Variants in FBXO32 observed in about 807,000 individuals in gnomAD.
The protein encoded by FBXO32 is F-box only protein 32.
FBXO32 carries 15 observed loss-of-function variants against 48.3 expected under a neutral mutation model. That is an observed-to-expected ratio of 0.31 (90% CI 0.21 to 0.48). The LOEUF is 0.48. FBXO32 is among the 20% of genes least tolerant of loss of function. The pLI, the probability that FBXO32 is intolerant of heterozygous loss-of-function variation, is 0.99. For missense variants in FBXO32, 309 were observed against 432.7 expected (o/e 0.71, Z 2.54); for synonymous variants, 154 against 165.9 (o/e 0.93, Z 0.55).
At position 123,525,408 on chromosome 8, in the gene FBXO32, G is replaced by A. The variant is rs1371539286; in HGVS notation, c.372+6490C>T. On this transcript the variant is annotated intron_variant, in intron 4 of 8. Coordinates refer to ENST00000517956, the MANE Select transcript of FBXO32 (RefSeq NM_058229.4). The surrounding 1 kb of genome is among the most constrained non-coding windows in gnomAD (Gnocchi z 4.3). ...TACTCAAGTTCTCCGTGACCTTTCT[G>A]GGCTGTTAATGGTAGCTACAGTTAC... Among the ~76,000 whole-genome samples, 2 of 152,168 alleles carry A rather than the reference G, an allele frequency of 1.3e-5. No homozygotes were observed.
At chr8:123,505,653 T>C (rs770330933) in intron 7 of FBXO32, among the ~76,000 whole-genome samples, 1 of 152,086 alleles carries the variant, frequency 6.6e-6, no homozygotes, top group Non-Finnish European at 1.5e-5. Flanking sequence ...GGAGAATCAT[T>C]TGAACCAGGG....
At chr8:123,529,406 C>T (rs758808019) in intron 4 of FBXO32, among the ~76,000 whole-genome samples, 13 of 152,166 alleles carry the variant, frequency 8.5e-5, no homozygotes, top group Non-Finnish European at 1.2e-4. Flanking sequence ...TAAACATTAG[C>T]GGCTGACTTT....
At chr8:123,533,380 G>A in intron 2 of FBXO32, 140 bp from the exon 3 acceptor site, 1 of 681,794 alleles carries the variant, frequency 1.5e-6, no homozygotes, top group East Asian at 2.7e-5. Context: ...GAAGTTTCAA[G>A]TGCTTAATTT....
chr8:123,519,655 T>C (rs1215338632), intron 4 of FBXO32, among the ~76,000 whole-genome samples: 1 of 151,996 alleles, frequency 6.6e-6, no homozygotes, highest in African/African-American at 2.4e-5. Context: ...TACCAGCACA[T>C]TTAGGATGAG....
intron 4 of FBXO32, among the ~76,000 whole-genome samples, chr8:123,519,714 C>T (rs566115254): frequency 6.6e-6 from 1 of 152,248 alleles, no homozygotes; most frequent in East Asian, 1.9e-4. Flanking sequence ...ATCAGCATCA[C>T]TCTATAGGCC....
rs187481152 is a variant in FBXO32 at position 123,524,264 on chromosome 8, C to A, written c.372+7634G>T. Among the ~76,000 whole-genome samples, 8 of 152,260 alleles carry A rather than the reference C, an allele frequency of 5.3e-5. No homozygotes were observed. The East Asian group carries it at 1.4e-3, about 26-fold the overall frequency. On this transcript the variant is annotated intron_variant, in intron 4 of 8. Transcript: ENST00000517956. ...CCTCCAATTCTGTGGCCATGTCCCC[C>A]CGTCTGTGAGTGTCCCCCACTTCCG...
rs550443597 is a variant in FBXO32 at position 123,532,086 on chromosome 8, C to T, written c.280-96G>A. 3.3e-5 allele frequency: 51 copies of T among 1,551,558 alleles called. 1 individual carries two copies. Among genetic ancestry groups the T allele is most frequent in the Middle Eastern group, 2.0e-4 (1 of 5,096 alleles). On this transcript the variant is annotated intron_variant, in intron 3 of 8. Transcript: ENST00000517956. ...TTAGAACAACCCAACTGGATTTTGCCGAATGAGCTTGATGCCTGTCTTAGG... is the reference window on the plus strand; with the variant it reads ...TTAGAACAACCCAACTGGATTTTGCTGAATGAGCTTGATGCCTGTCTTAGG...
chr8:123,538,325 G>A (rs528008291), intron 1 of FBXO32, among the ~76,000 whole-genome samples: 3 of 152,174 alleles, frequency 2.0e-5, no homozygotes, highest in East Asian at 1.9e-4. Context: ...CCTTCATCCC[G>A]GGCTCTTGTT....
In FBXO32 at chr8:123,500,974, G is replaced by A. The variant is rs1816469847; in HGVS notation, c.*2399C>T. ...CTTGCACAGATGCACATGGTTGCCT[G>A]GAGTCTATCGTACAATCATGTGCAC... On this transcript the variant is annotated 3_prime_UTR_variant, in exon 9 of 9. Transcript: ENST00000517956. 6.6e-6 allele frequency: 1 copy of A among 152,164 alleles called. No individual in the cohort carries two copies. The highest frequency in any genetic ancestry group is 6.5e-5 in the Admixed American group (1 of 15,278). The allele number at this position is 152,164 out of a possible 1,614,324, so 9.4% of individuals were successfully genotyped here.
At chr8:123,531,473 A>T (rs1001683919) in intron 4 of FBXO32, among the ~76,000 whole-genome samples, 1 of 152,234 alleles carries the variant, frequency 6.6e-6, no homozygotes, top group African/African-American at 2.4e-5. Flanking sequence ...GAGAACAGTC[A>T]GAGATACAGG....
At chr8:123,507,763 A>T (rs1413229819) in intron 6 of FBXO32, among the ~76,000 whole-genome samples, 1 of 152,136 alleles carries the variant, frequency 6.6e-6, no homozygotes, top group African/African-American at 2.4e-5. Context: ...TCCCTTGTAG[A>T]CTAGCCCAGC....
chr8:123,530,150 A>G (rs1817169508), intron 4 of FBXO32, among the ~76,000 whole-genome samples: 1 of 152,240 alleles, frequency 6.6e-6, no homozygotes, highest in African/African-American at 2.4e-5. Context: ...AGAAGAGCTT[A>G]GCCGAAGAGT....
Position 123,541,199 on chromosome 8 carries a change from G to T in FBXO32, c.-185C>A, listed in dbSNP as rs888156484. On this transcript the variant is annotated 5_prime_UTR_variant, in exon 1 of 9. Coordinates refer to ENST00000517956, the MANE Select transcript of FBXO32 (RefSeq NM_058229.4). Reference sequence around the variant, plus strand: ...AGGATCTCAAGCGTTGCAGGCTCCGGGAGTGCTGCGCGGCAGTAGCTGCCG... The same window carrying T: ...AGGATCTCAAGCGTTGCAGGCTCCGTGAGTGCTGCGCGGCAGTAGCTGCCG... The T allele has an allele frequency of 3.3e-5, 12 of 363,616 alleles. No individual in the cohort carries two copies. Among genetic ancestry groups the T allele is most frequent in the Non-Finnish European group, 5.4e-5 (11 of 204,682 alleles). The allele number at this position is 363,616 out of a possible 1,614,324, so 22.5% of individuals were successfully genotyped here.
rs370782703 is a variant in FBXO32 at position 123,513,705 on chromosome 8, G to A, written c.467-323C>T. On this transcript the variant is annotated intron_variant, in intron 5 of 8. Transcript: ENST00000517956. The surrounding 1 kb of genome is among the most constrained non-coding windows in gnomAD (Gnocchi z 4.3). ...ACTCCTTTTGCCCAGAAGTGACCCCGTTTAGGACAGTCAGTGGAAGGAGCA... is the reference window on the plus strand; with the variant it reads ...ACTCCTTTTGCCCAGAAGTGACCCCATTTAGGACAGTCAGTGGAAGGAGCA... Among the ~76,000 whole-genome samples, 3 of 152,176 alleles carry A rather than the reference G, an allele frequency of 2.0e-5. No homozygotes were observed. Among genetic ancestry groups the A allele is most frequent in the African/African-American group, 7.2e-5 (3 of 41,534 alleles).
intron 7 of FBXO32, 115 bp from the exon 8 acceptor site, chr8:123,504,862 C>A: frequency 1.0e-6 from 1 of 964,392 alleles, no homozygotes; most frequent in Non-Finnish European, 1.5e-6. Context: ...TTCAGCTCTA[C>A]AATAGCCAGG....
At chr8:123,532,584 C>T (rs1409461279) in intron 3 of FBXO32, among the ~76,000 whole-genome samples, 1 of 152,110 alleles carries the variant, frequency 6.6e-6, no homozygotes, top group African/African-American at 2.4e-5. Context: ...TATCAGTGAC[C>T]CCCCTCTGGA....
chr8:123,514,986 T>G (rs1041697744), intron 4 of FBXO32, among the ~76,000 whole-genome samples: 6 of 152,222 alleles, frequency 3.9e-5, no homozygotes, highest in Non-Finnish European at 5.9e-5. Flanking sequence ...CTCTTGGCCT[T>G]AGATTCAGGT....
At chr8:123,521,671 A>C (rs1816958954) in intron 4 of FBXO32, among the ~76,000 whole-genome samples, 1 of 152,194 alleles carries the variant, frequency 6.6e-6, no homozygotes, top group Non-Finnish European at 1.5e-5. Context: ...AGAATTGTTA[A>C]GAATGAGAAC....
At chr8:123,503,940 G>A (rs1367860427) in intron 8 of FBXO32, among the ~76,000 whole-genome samples, 1 of 152,136 alleles carries the variant, frequency 6.6e-6, no homozygotes, top group Non-Finnish European at 1.5e-5. Flanking sequence ...TAGCCTGGGT[G>A]TGGTGGCATG....
Sources: allele counts gnomAD v4.1 joint callset (sites outside exome capture counted in the v4.1 genomes callset), GRCh38; gene constraint gnomAD v4.1.1; non-coding constraint Gnocchi (gnomAD v3.1); transcripts MANE v1.5; gene names NCBI Gene and HGNC (gene_info 2026-07-23, HGNC 2026-07-21).